Variants in FRMD4A observed in about 807,000 individuals in gnomAD.
The protein encoded by FRMD4A is FERM domain-containing protein 4A.
In FRMD4A, 29 loss-of-function variants were observed where a neutral mutation model predicts 129.1. The observed-to-expected ratio is 0.22, with a 90% CI of 0.17 to 0.31. The LOEUF (loss-of-function observed/expected upper bound fraction) is 0.31. Among genes scored for constraint, FRMD4A ranks in the 10% least tolerant of loss-of-function variants. The pLI is 1.00. For synonymous variants in FRMD4A, 634 were observed against 571.6 expected (o/e 1.11, Z -1.56); for missense variants, 1,272 against 1,375.8 (o/e 0.92, Z 1.19).
intron 2 of FRMD4A, among the ~76,000 whole-genome samples, chr10:14,027,789 C>T (rs551678884): frequency 2.6e-5 from 4 of 152,208 alleles, no homozygotes; most frequent in Non-Finnish European, 2.9e-5. Context: ...ACATCCTGTT[C>T]TTCCAACAAA....
chr10:14,090,171 G>A (rs1215801703), intron 2 of FRMD4A, among the ~76,000 whole-genome samples: 1 of 152,222 alleles, frequency 6.6e-6, no homozygotes, highest in Non-Finnish European at 1.5e-5. Flanking sequence ...CTTCGGGGTG[G>A]CACTTGGAGA....
At chr10:13,806,684 C>T (rs1272528648) in intron 4 of FRMD4A, among the ~76,000 whole-genome samples, 1 of 152,212 alleles carries the variant, frequency 6.6e-6, no homozygotes, top group Non-Finnish European at 1.5e-5. Context: ...AAGCTGAGGT[C>T]ACACCCAAGC....
chr10:14,013,386 G>A (rs1374317906), intron 2 of FRMD4A, among the ~76,000 whole-genome samples: 2 of 152,140 alleles, frequency 1.3e-5, no homozygotes, highest in African/African-American at 2.4e-5. Context: ...CATGCACAAG[G>A]GGTGTCTGAG....
At chr10:14,107,995 A>G (rs368043859) in intron 2 of FRMD4A, among the ~76,000 whole-genome samples, 5 of 152,180 alleles carry the variant, frequency 3.3e-5, no homozygotes, top group African/African-American at 1.2e-4. Context: ...GAGTAAATGC[A>G]TATGTGATTT....
intron 14 of FRMD4A, among the ~76,000 whole-genome samples, chr10:13,699,223 TG>T (rs2086550194): frequency 7.9e-6 from 1 of 126,426 alleles, no homozygotes; most frequent in Non-Finnish European, 1.7e-5. Context: ...GCTTGGTTAT[TG>T]TTTTTTTTTT....
chr10:13,919,469 A>T (rs888831536), intron 2 of FRMD4A, among the ~76,000 whole-genome samples: 3 of 152,224 alleles, frequency 2.0e-5, no homozygotes, highest in African/African-American at 7.2e-5. Flanking sequence ...ACTGGACTTA[A>T]GAGTGTAGAA....
intron 2 of FRMD4A, among the ~76,000 whole-genome samples, chr10:13,894,184 A>T (rs1287396406): frequency 6.6e-6 from 1 of 152,116 alleles, no homozygotes; most frequent in Non-Finnish European, 1.5e-5. Context: ...AGGCCACATC[A>T]TCTTTCACCA....
At chr10:13,753,984 C>T (rs1215890101) in intron 8 of FRMD4A, among the ~76,000 whole-genome samples, 1 of 151,964 alleles carries the variant, frequency 6.6e-6, no homozygotes, top group East Asian at 1.9e-4. Flanking sequence ...AAATTTAAGA[C>T]AAATTTAAAA....
chr10:13,869,050 T>C (rs931765293), intron 2 of FRMD4A, among the ~76,000 whole-genome samples: 8 of 152,236 alleles, frequency 5.3e-5, no homozygotes, highest in African/African-American at 1.7e-4. Flanking sequence ...AAGCTCATCC[T>C]AGGGACGCTG....
intron 2 of FRMD4A, among the ~76,000 whole-genome samples, chr10:14,093,108 G>A (rs944076275): frequency 2.6e-5 from 4 of 152,170 alleles, no homozygotes; most frequent in African/African-American, 9.7e-5. Context: ...GGGAGGTACA[G>A]AGGCCGTGGA....
chr10:14,223,623 C>G (rs1843334202), intron 2 of FRMD4A, among the ~76,000 whole-genome samples: 1 of 151,922 alleles, frequency 6.6e-6, no homozygotes, highest in Non-Finnish European at 1.5e-5. Flanking sequence ...CAACTGCAGT[C>G]CCAGCTGCTC....
intron 4 of FRMD4A, among the ~76,000 whole-genome samples, chr10:13,798,979 C>T (rs12414057): frequency 0.34 from 51,321 of 151,838 alleles, 8,821 homozygotes; most frequent in Middle Eastern, 0.43. Flanking sequence ...CGGCCCATCC[C>T]GCAGGACTCA....
At chr10:13,824,582 A>G (rs910692346) in intron 3 of FRMD4A, among the ~76,000 whole-genome samples, 3 of 152,090 alleles carry the variant, frequency 2.0e-5, no homozygotes, top group African/African-American at 7.2e-5. Flanking sequence ...ACTATATAGC[A>G]TTACATCACA....
Position 13,694,038 on chromosome 10 carries a change from G to A in FRMD4A, c.977C>T (p.Ser326Phe). The A allele has an allele frequency of 6.6e-7, 1 of 1,507,802 alleles. No homozygotes were observed. The allele number at this position is 1,507,802 out of a possible 1,614,324, so 93.4% of individuals were successfully genotyped here. A position where few individuals can be genotyped will look rare whatever the true frequency, so the allele number is the denominator to read the frequency against. The change falls in exon 15 of 25, where the codon TCC becomes TTC. Residue 326 changes from serine (S) to phenylalanine (F), a missense_variant and splice_region_variant. Coordinates refer to ENST00000357447, the MANE Select transcript of FRMD4A (RefSeq NM_018027.5). ...CAGGCTGCGTGCTGCATGGATTTTG[G>A]ACTGGAATGGAAAGGGAAGCAGGTC... The part of the protein sequence containing the change: ...QFYLDRKQSK[S>F]KIHAARSLSE...
chr10:13,749,945 C>T (rs2091486687), intron 8 of FRMD4A, among the ~76,000 whole-genome samples: 1 of 145,394 alleles, frequency 6.9e-6, no homozygotes, highest in Non-Finnish European at 1.5e-5. Context: ...CAGAGGGAGA[C>T]CCTATCAAGA....
Position 14,207,653 on chromosome 10 carries a change from C to T in FRMD4A, c.45+122405G>A, listed in dbSNP as rs1210213431. Reference sequence around the variant, plus strand: ...AGCAGAATGCTCAACACTAGCAGGACAGCTATAAATGTCAGCTAATCATCC... The same window carrying T: ...AGCAGAATGCTCAACACTAGCAGGATAGCTATAAATGTCAGCTAATCATCC... On this transcript the variant is annotated intron_variant, in intron 2 of 24. Coordinates refer to ENST00000357447, the MANE Select transcript of FRMD4A (RefSeq NM_018027.5). Among the ~76,000 whole-genome samples the T allele has an allele frequency of 3.3e-5, 5 of 151,196 alleles. No homozygotes were observed. The East Asian group carries it at 7.8e-4, about 24-fold the overall frequency.
intron 2 of FRMD4A, among the ~76,000 whole-genome samples, chr10:13,908,942 G>A (rs2094911456): frequency 6.6e-6 from 1 of 152,142 alleles, no homozygotes; most frequent in Non-Finnish European, 1.5e-5. Flanking sequence ...ATTTGTATTT[G>A]TTAAATCTGC....
chr10:14,129,132 T>C (rs1839089925), intron 2 of FRMD4A, among the ~76,000 whole-genome samples: 1 of 151,822 alleles, frequency 6.6e-6, no homozygotes, highest in Non-Finnish European at 1.5e-5. Flanking sequence ...CTGATGAGAA[T>C]CAACCTTTCC....
intron 15 of FRMD4A, among the ~76,000 whole-genome samples, chr10:13,676,732 G>A (rs1368907903): frequency 1.3e-5 from 2 of 152,174 alleles, no homozygotes; most frequent in Non-Finnish European, 1.5e-5. Context: ...AGATGAGCAA[G>A]ATCTCCACCG....
Sources: allele counts gnomAD v4.1 joint callset (sites outside exome capture counted in the v4.1 genomes callset), GRCh38; gene constraint gnomAD v4.1.1; transcripts MANE v1.5; gene names NCBI Gene and HGNC (gene_info 2026-07-23, HGNC 2026-07-21).